Variants in C6 observed in about 807,000 individuals in gnomAD.
The protein encoded by C6 is complement component C6.
C6 carries 101 observed loss-of-function variants against 112.9 expected under a neutral mutation model. That is an observed-to-expected ratio of 0.89 (90% confidence interval 0.76 to 1.06). C6 has a LOEUF of 1.06. Among genes scored for constraint, C6 ranks in the 50% least tolerant of loss-of-function variants. The probability of loss-of-function intolerance (pLI) is 0.00; values close to 1 mark genes in which losing one functional copy is unlikely to be tolerated. For synonymous variants in C6, 431 were observed against 384.1 expected, an observed-to-expected ratio of 1.12 and a Z score of -1.43; for missense variants, 1,202 against 1,104.6, an observed-to-expected ratio of 1.09 and a Z score of -1.25.
chr5:41,203,096 G>C lies in C6; in HGVS notation c.135C>G (p.Ser45Arg). ...ACAAAGCTCACACCCACCTGTGTCT[G>C]CTCTGGGTTCCAGAATTGCAAGTTT... The part of the protein sequence containing the change: ...CSKTCNSGTQ[S>R]RHRQIVVDKY... Residue 45 changes from serine to arginine, a missense_variant, in exon 2 of 18, where the codon AGC becomes AGG. By Grantham distance (110) the Ser-to-Arg change is moderately radical. Transcript: ENST00000337836. 6.2e-7 allele frequency: 1 copy of C among 1,613,986 alleles called. No homozygotes were observed. The highest frequency in any genetic ancestry group is 8.5e-7 in the Non-Finnish European group (1 of 1,179,928).
chr5:41,182,969 T>G (rs1163724988), intron 6 of C6, among the ~76,000 whole-genome samples: 1 of 152,236 alleles, frequency 6.6e-6, no homozygotes, highest in Non-Finnish European at 1.5e-5. Context: ...CTCATGTAAC[T>G]TGTTATCCAG....
Position 41,186,041 on chromosome 5 carries a change from G to A in C6, c.726+29C>T. 3 of 1,613,522 alleles carry A rather than the reference G, an allele frequency of 1.9e-6. No individual in the cohort carries two copies. The African/African-American group carries it at 4.0e-5, about 22-fold the overall frequency. ...TTAGCTTATAATCACTGACGGTGTT[G>A]GAGTTGCCACCATGCTAGGCTGTCA... On this transcript the variant is annotated intron_variant, in intron 6 of 17. Coordinates refer to ENST00000337836, the MANE Select transcript of C6 (RefSeq NM_000065.5).
At chr5:41,236,672 A>G (rs1261113294) in intron 1 of C6, among the ~76,000 whole-genome samples, 2 of 134,948 alleles carry the variant, frequency 1.5e-5, no homozygotes, top group Non-Finnish European at 3.1e-5. Flanking sequence ...AAGAACTAGA[A>G]AAGCAAGAGC....
At chr5:41,220,869 C>G (rs1225368732) in intron 1 of C6, among the ~76,000 whole-genome samples, 1 of 151,828 alleles carries the variant, frequency 6.6e-6, no homozygotes, top group African/African-American at 2.4e-5. Context: ...CTCCCCTGAC[C>G]CAATAGGCCC....
At chr5:41,171,292 G>A (rs534048430) in intron 9 of C6, among the ~76,000 whole-genome samples, 23 of 152,228 alleles carry the variant, frequency 1.5e-4, no homozygotes, top group Non-Finnish European at 2.6e-4. Context: ...TTTAGTTGAC[G>A]GTGATGCCAT....
intron 13 of C6, among the ~76,000 whole-genome samples, chr5:41,156,612 G>A (rs1341491407): frequency 3.9e-5 from 6 of 152,126 alleles, no homozygotes; most frequent in South Asian, 4.1e-4. Flanking sequence ...CTTTGAGAGC[G>A]GTGAAAGCTT....
intron 6 of C6, among the ~76,000 whole-genome samples, chr5:41,184,753 T>C (rs1226930851): frequency 6.6e-6 from 1 of 152,132 alleles, no homozygotes; most frequent in Non-Finnish European, 1.5e-5. Flanking sequence ...GGATTACAGA[T>C]GTGAGCCACC....
intron 1 of C6, among the ~76,000 whole-genome samples, chr5:41,246,563 A>T (rs762185292): frequency 6.6e-6 from 1 of 152,244 alleles, no homozygotes; most frequent in Non-Finnish European, 1.5e-5. Flanking sequence ...GTGACAGCAC[A>T]GTCATAGGTG....
At chr5:41,154,402 C>T (rs1341062073) in intron 14 of C6, among the ~76,000 whole-genome samples, 2 of 138,724 alleles carry the variant, frequency 1.4e-5, no homozygotes, top group Non-Finnish European at 3.2e-5. Flanking sequence ...GCTTCATGGT[C>T]TCCCACAATA....
intron 13 of C6, among the ~76,000 whole-genome samples, chr5:41,157,100 T>C (rs1746987778): frequency 6.6e-6 from 1 of 152,192 alleles, no homozygotes; most frequent in Non-Finnish European, 1.5e-5. Flanking sequence ...TTCCAGAAGA[T>C]GCTTATTAGG....
At chr5:41,150,884 TAAA>T (rs71606599) in intron 15 of C6, among the ~76,000 whole-genome samples, 2 of 130,062 alleles carry the variant, frequency 1.5e-5, no homozygotes, top group African/African-American at 2.8e-5. Context: ...AGACTCTGTC[TAAA>T]AAAAAAAAAA....
chr5:41,233,565 C>A (rs1223046096), intron 1 of C6, among the ~76,000 whole-genome samples: 1 of 152,040 alleles, frequency 6.6e-6, no homozygotes, highest in Non-Finnish European at 1.5e-5. Context: ...CGAGATGCAG[C>A]TATTCTCATT....
chr5:41,178,578 T>C (rs187827801), intron 7 of C6, among the ~76,000 whole-genome samples: 3,169 of 148,538 alleles, frequency 0.021, 124 homozygotes, highest in African/African-American at 0.074. Flanking sequence ...TGGGTTCAAG[T>C]GATTCTCCTG....
At chr5:41,172,644 C>A in intron 8 of C6, 1 of 473,532 alleles carries the variant, frequency 2.1e-6, no homozygotes, top group Non-Finnish European at 3.9e-6. Context: ...ATGGTGATGT[C>A]CTGTCCTTGT....
intron 16 of C6, 138 bp from the exon 17 acceptor site, chr5:41,149,620 GAGT>G: frequency 9.0e-7 from 1 of 1,105,576 alleles, no homozygotes; most frequent in Non-Finnish European, 1.4e-6. Flanking sequence ...CCCTGGGCTT[GAGT>G]GAGAGGAACA....
intron 6 of C6, among the ~76,000 whole-genome samples, chr5:41,183,525 G>A (rs1749521963): frequency 6.6e-6 from 1 of 152,152 alleles, no homozygotes; most frequent in Admixed American, 6.5e-5. Flanking sequence ...CTAATACACT[G>A]TTGGTGAGAA....
chr5:41,208,134 G>A (rs1580195490), intron 1 of C6, among the ~76,000 whole-genome samples: 1 of 152,134 alleles, frequency 6.6e-6, no homozygotes, highest in East Asian at 1.9e-4. Flanking sequence ...GGTACATAAC[G>A]AAATGAAGCC....
intron 7 of C6, among the ~76,000 whole-genome samples, chr5:41,179,998 C>T (rs1008969616): frequency 2.0e-5 from 3 of 151,896 alleles, no homozygotes; most frequent in Non-Finnish European, 2.9e-5. Flanking sequence ...GATAAATGTT[C>T]GTTGAATTAA....
chr5:41,159,646 G>C (rs574629854), intron 11 of C6, among the ~76,000 whole-genome samples: 1 of 152,054 alleles, frequency 6.6e-6, no homozygotes, highest in African/African-American at 2.4e-5. Context: ...TTACTCCCAT[G>C]CCTTACCCTG....
Sources: gnomAD v4.1 joint callset for allele counts (sites outside exome capture counted in the v4.1 genomes callset) on GRCh38, gnomAD v4.1.1 for gene constraint, MANE v1.5 for transcripts, NCBI Gene and HGNC (gene_info 2026-07-23, HGNC 2026-07-21) for gene names.